Variants in GALK2 observed in about 807,000 individuals in gnomAD.
GALK2 encodes N-acetylgalactosamine kinase.
Under a neutral mutation model 52.4 loss-of-function variants are expected in GALK2, and 36 were observed. The observed-to-expected ratio is 0.69, with a 90% CI of 0.53 to 0.91. GALK2 has a LOEUF of 0.91. Among genes scored for constraint, GALK2 ranks in the 40% least tolerant of loss-of-function variants. The probability of loss-of-function intolerance (pLI) is 0.00; values close to 1 mark genes in which losing one functional copy is unlikely to be tolerated. For synonymous variants in GALK2, 176 were observed against 199.1 expected, an observed-to-expected ratio of 0.88 and a Z score of 0.98; for missense variants, 579 against 559.1, an observed-to-expected ratio of 1.04 and a Z score of -0.36.
chr15:49,205,199 CAT>C (rs2088173876), intron 2 of GALK2, among the ~76,000 whole-genome samples: 2 of 152,102 alleles, frequency 1.3e-5, no homozygotes, highest in Non-Finnish European at 2.9e-5. Context: ...TGCGCGTGCA[CAT>C]ATCTTTTTCA....
intron 1 of GALK2, among the ~76,000 whole-genome samples, chr15:49,182,683 G>A (rs1248615819): frequency 6.6e-6 from 1 of 152,048 alleles, no homozygotes; most frequent in African/African-American, 2.4e-5. Flanking sequence ...AAAAGCCATT[G>A]TAGCTTGGGT....
At chr15:49,199,716 CTGT>C (rs2087568117) in intron 1 of GALK2, among the ~76,000 whole-genome samples, 5 of 152,112 alleles carry the variant, frequency 3.3e-5, no homozygotes, top group Admixed American at 2.6e-4. Context: ...GATGCTGGAG[CTGT>C]TAAGTCTTGT....
intron 2 of GALK2, among the ~76,000 whole-genome samples, chr15:49,212,050 A>G (rs2088949447): frequency 6.6e-6 from 1 of 152,156 alleles, no homozygotes; most frequent in South Asian, 2.1e-4. Flanking sequence ...TATCTTTAAA[A>G]AAAATTATCT....
chr15:49,359,789 T>C (rs139498456), intron 3 of GALK2, among the ~76,000 whole-genome samples: 28,822 of 103,450 alleles, frequency 0.28, 4,406 homozygotes, highest in Non-Finnish European at 0.3. Flanking sequence ...CACATGCACA[T>C]GTATGTTTAT....
At chr15:49,200,313 G>A (rs912144470) in intron 1 of GALK2, among the ~76,000 whole-genome samples, 6 of 152,200 alleles carry the variant, frequency 3.9e-5, no homozygotes, top group African/African-American at 1.4e-4. Flanking sequence ...AATTAGAACT[G>A]TGGTTTCCTG....
Position 49,329,025 on chromosome 15 carries a change from T to A in GALK2, c.*866T>A. 1 of 1,009,002 alleles carries A rather than the reference T, an allele frequency of 9.9e-7. No homozygotes were observed. Among genetic ancestry groups the A allele is most frequent in the Non-Finnish European group, 1.2e-6 (1 of 844,012 alleles). 62.5% of individuals were successfully genotyped at this position (1,009,002 alleles called of 1,614,324 possible). ...AGAATTACTTTCTTATCACTCTTTT[T>A]CTACTACTTTTTCTCAAATACCTCT... On this transcript the variant is annotated 3_prime_UTR_variant, in exon 10 of 10. Coordinates refer to ENST00000560031, the MANE Select transcript of GALK2 (RefSeq NM_002044.4).
chr15:49,203,511 G>A (rs1322034031), intron 2 of GALK2, among the ~76,000 whole-genome samples: 3 of 152,150 alleles, frequency 2.0e-5, no homozygotes, highest in Admixed American at 6.5e-5. Context: ...CCTTTGCTGT[G>A]CAGAAGCTTT....
chr15:49,301,392 T>C (rs1013948455), intron 8 of GALK2, among the ~76,000 whole-genome samples: 2 of 152,104 alleles, frequency 1.3e-5, no homozygotes, highest in African/African-American at 4.8e-5. Context: ...AGGTAGGAAT[T>C]GTCTAAGGGT....
intron 5 of GALK2, among the ~76,000 whole-genome samples, chr15:49,255,340 A>T (rs981274197): frequency 7.0e-6 from 1 of 143,228 alleles, no homozygotes; most frequent in African/African-American, 2.5e-5. Context: ...AGTTTTACCA[A>T]TAATTGGATT....
intron 1 of GALK2, chr15:49,178,548 G>T: frequency 3.8e-6 from 1 of 263,934 alleles, no homozygotes. Context: ...TGGTGCACAC[G>T]AATCCTATAT....
chr15:49,319,952 T>C, intron 9 of GALK2, 147 bp downstream of exon 9: 3 of 691,726 alleles, frequency 4.3e-6, no homozygotes, highest in Non-Finnish European at 7.1e-6. Flanking sequence ...AGAGCTACAC[T>C]TGTTCCCTTC....
intron 1 of GALK2, among the ~76,000 whole-genome samples, chr15:49,178,185 A>G (rs1173648045): frequency 3.7e-5 from 4 of 108,314 alleles, no homozygotes; most frequent in African/African-American, 1.1e-4. Context: ...AAAAAAAAAA[A>G]AAAGAAATAC....
At chr15:49,245,782 TCTAA>T (rs1455455208) in intron 5 of GALK2, among the ~76,000 whole-genome samples, 3 of 152,320 alleles carry the variant, frequency 2.0e-5, no homozygotes, top group Admixed American at 1.3e-4. Context: ...ACTCAAAACC[TCTAA>T]CTAATTTCCT....
At chr15:49,347,679 G>C (rs1479465558) in intron 3 of GALK2, among the ~76,000 whole-genome samples, 1 of 152,138 alleles carries the variant, frequency 6.6e-6, no homozygotes, top group Admixed American at 6.6e-5. Context: ...CTTTGTTAAA[G>C]AAGTCAGAGA....
At chr15:49,160,584 G>C (rs2084618853) in intron 1 of GALK2, among the ~76,000 whole-genome samples, 1 of 152,110 alleles carries the variant, frequency 6.6e-6, no homozygotes, top group African/African-American at 2.4e-5. Flanking sequence ...TAGTACCCAG[G>C]CCGGGTGCGG....
chr15:49,216,416 T>G (rs1057179137), intron 2 of GALK2, among the ~76,000 whole-genome samples: 6 of 152,218 alleles, frequency 3.9e-5, no homozygotes, highest in African/African-American at 1.4e-4. Context: ...TTCTGTACTC[T>G]TCCCACTTCT....
chr15:49,305,321 T>C (rs1453564124), intron 8 of GALK2, among the ~76,000 whole-genome samples: 1 of 152,220 alleles, frequency 6.6e-6, no homozygotes, highest in Non-Finnish European at 1.5e-5. Flanking sequence ...TCATCATTCA[T>C]GTGGCAGGTT....
At chr15:49,284,084 G>GT (rs1399152469) in intron 7 of GALK2, among the ~76,000 whole-genome samples, 1 of 152,120 alleles carries the variant, frequency 6.6e-6, no homozygotes, top group African/African-American at 2.4e-5. Flanking sequence ...CTAAGATGCA[G>GT]TTTTTTTATT....
At chr15:49,197,011 C>T (rs941048677) in intron 1 of GALK2, among the ~76,000 whole-genome samples, 1 of 152,182 alleles carries the variant, frequency 6.6e-6, no homozygotes, top group African/African-American at 2.4e-5. Context: ...TGCCTGAGCC[C>T]AGGAGTTCTA....
Sources: gnomAD v4.1 joint callset for allele counts (sites outside exome capture counted in the v4.1 genomes callset) on GRCh38, gnomAD v4.1.1 for gene constraint, MANE v1.5 for transcripts, NCBI Gene and HGNC (gene_info 2026-07-23, HGNC 2026-07-21) for gene names.